The following ERICH3 variants were observed in gnomAD, a reference collection of about 807,000 sequenced individuals.
ERICH3 encodes the protein glutamate rich 3.
ERICH3 carries 126 observed loss-of-function variants against 131.1 expected under a neutral mutation model. The observed-to-expected ratio is 0.96, with a 90% CI of 0.83 to 1.11. ERICH3 has a LOEUF of 1.11. Ranked by LOEUF, ERICH3 falls within the 50% of genes most tolerant of loss-of-function variation. The probability of loss-of-function intolerance (pLI) is 0.00; values close to 1 mark genes in which losing one functional copy is unlikely to be tolerated. For missense variants in ERICH3, 2,050 were observed against 1,810.7 expected (o/e 1.13, Z -2.40); for synonymous variants, 695 against 644.6 (o/e 1.08, Z -1.18).
intron 1 of ERICH3, among the ~76,000 whole-genome samples, chr1:74,670,731 T>G (rs1646734472): frequency 6.6e-6 from 1 of 152,166 alleles, no homozygotes; most frequent in Non-Finnish European, 1.5e-5. Context: ...ATAACAGCGA[T>G]TTTTAGGGAA....
chr1:74,589,757 A>C lies in ERICH3; in HGVS notation c.2050T>G (p.Leu684Val). 6.2e-7 allele frequency: 1 copy of C among 1,614,068 alleles called. No individual in the cohort carries two copies. The highest frequency in any genetic ancestry group is 1.7e-5 in the Admixed American group (1 of 59,996). Residue 684 changes from leucine to valine, a missense_variant, in exon 12 of 15, where the codon TTA becomes GTA. Leu to Val is a conservative substitution (Grantham distance 32). Coordinates refer to ENST00000326665, the MANE Select transcript of ERICH3 (RefSeq NM_001002912.5). ...ACATGTTTCCCGGACTTCTCAGATA[A>C]ACCCTCTGCAATCTCTTGGGTTCCT... is the stretch of plus-strand genomic sequence containing the variant. ...EKGTQEIAEG[L>V]SEKSGKHVSA... is the part of the protein sequence containing the mutation.
At chr1:74,586,234 C>T in intron 12 of ERICH3, 1 of 233,866 alleles carries the variant, frequency 4.3e-6, no homozygotes, top group East Asian at 1.8e-4. Flanking sequence ...GCTTATGTGA[C>T]AAGACATTCA....
intron 1 of ERICH3, among the ~76,000 whole-genome samples, chr1:74,652,815 A>G (rs1411937300): frequency 6.6e-6 from 1 of 152,166 alleles, no homozygotes; most frequent in Non-Finnish European, 1.5e-5. Flanking sequence ...TGGCCAGACC[A>G]GTCTAACACG....
chr1:74,669,956 T>A (rs965669927), intron 1 of ERICH3, among the ~76,000 whole-genome samples: 7 of 152,198 alleles, frequency 4.6e-5, no homozygotes, highest in African/African-American at 1.7e-4. Flanking sequence ...GCTTCAGTAA[T>A]GATAGAAAAG....
intron 1 of ERICH3, among the ~76,000 whole-genome samples, chr1:74,654,314 TAG>T (rs1470614676): frequency 6.6e-6 from 1 of 151,976 alleles, no homozygotes; most frequent in East Asian, 1.9e-4. Context: ...ATCCTACTGT[TAG>T]TACCAACAGT....
intron 8 of ERICH3, among the ~76,000 whole-genome samples, chr1:74,617,994 A>T (rs1649052910): frequency 6.6e-6 from 1 of 152,140 alleles, no homozygotes; most frequent in Admixed American, 6.6e-5. Context: ...CAGGAGTTTG[A>T]GACCAGACTG....
intron 7 of ERICH3, among the ~76,000 whole-genome samples, chr1:74,631,305 A>T (rs964311227): frequency 1.3e-5 from 2 of 152,108 alleles, no homozygotes; most frequent in African/African-American, 4.8e-5. Context: ...TCTATGTATG[A>T]TACAGTAATT....
chr1:74,578,266 TTAA>T (rs537977289), intron 12 of ERICH3: 19 of 171,396 alleles, frequency 1.1e-4, no homozygotes, highest in South Asian at 1.8e-4. Flanking sequence ...ATCTAGGCAC[TTAA>T]TAATAACAGC....
At chr1:74,577,028 G>A (rs1041057008) in intron 12 of ERICH3, 92 bp from the exon 13 acceptor site, 13 of 1,131,488 alleles carry the variant, frequency 1.1e-5, no homozygotes, top group Non-Finnish European at 1.6e-5. Flanking sequence ...GTCAGTTAAG[G>A]CAAATTCACC....
intron 7 of ERICH3, 92 bp from the exon 8 acceptor site, chr1:74,621,006 AT>A: frequency 9.6e-7 from 1 of 1,043,986 alleles, no homozygotes. Flanking sequence ...AAAGAAGGTT[AT>A]TTTTAAGTAC....
At position 74,646,094 on chromosome 1, in the gene ERICH3, A is replaced by AC. The variant is rs1233840901; in HGVS notation, c.243+572_243+573insG. On this transcript the variant is annotated intron_variant, in intron 3 of 14. Coordinates refer to ENST00000326665, the MANE Select transcript of ERICH3 (RefSeq NM_001002912.5). ...TTAAGATACCCTGTCAGATTAAAAAAATATGTTGTTGATGCTTGGTTTGTG... is the reference window on the plus strand; with the variant it reads ...TTAAGATACCCTGTCAGATTAAAAAACATATGTTGTTGATGCTTGGTTTGTG... Among the ~76,000 whole-genome samples the AC allele has an allele frequency of 2.6e-5, 4 of 152,118 alleles. No homozygotes were observed. The East Asian group carries it at 7.7e-4, about 29-fold the overall frequency.
chr1:74,650,351 T>C (rs887411999), intron 1 of ERICH3, among the ~76,000 whole-genome samples: 3 of 152,178 alleles, frequency 2.0e-5, no homozygotes, highest in Admixed American at 6.6e-5. Context: ...TTGAGCACTA[T>C]TTTCTGTTTC....
chr1:74,647,973 C>G (rs899497601), intron 2 of ERICH3, among the ~76,000 whole-genome samples: 3 of 152,112 alleles, frequency 2.0e-5, no homozygotes, highest in Non-Finnish European at 4.4e-5. Context: ...GGCAAAGGTG[C>G]TTAAACTTGA....
At chr1:74,650,295 T>A (rs984338078) in intron 1 of ERICH3, among the ~76,000 whole-genome samples, 6 of 152,192 alleles carry the variant, frequency 3.9e-5, no homozygotes, top group African/African-American at 1.4e-4. Context: ...TTGTTGATTA[T>A]ATGCTATACC....
At position 74,589,768 on chromosome 1, in the gene ERICH3, A is replaced by G; in HGVS notation, c.2039T>C (p.Ile680Thr). Residue 680 changes from isoleucine to threonine, a missense_variant, in exon 12 of 15, where the codon ATT (isoleucine) becomes ACT (threonine). By Grantham distance (89) the Ile-to-Thr change is moderately conservative. Transcript: ENST00000326665. ...GGACTTCTCAGATAAACCCTCTGCAATCTCTTGGGTTCCTTTCTCCGTTCC... is the reference window on the plus strand; with the variant it reads ...GGACTTCTCAGATAAACCCTCTGCAGTCTCTTGGGTTCCTTTCTCCGTTCC... Reference protein sequence around the residue: ...KEGTEKGTQEIAEGLSEKSGK... With the variant: ...KEGTEKGTQETAEGLSEKSGK... 1 of 1,614,016 alleles carries G rather than the reference A, an allele frequency of 6.2e-7. No homozygotes were observed. Among genetic ancestry groups the G allele is most frequent in the Non-Finnish European group, 8.5e-7 (1 of 1,179,946 alleles).
At chr1:74,587,933 C>A (rs1487949820) in intron 12 of ERICH3, among the ~76,000 whole-genome samples, 1 of 152,106 alleles carries the variant, frequency 6.6e-6, no homozygotes, top group South Asian at 2.1e-4. Context: ...TATTCTAGGG[C>A]AGAGGTTTAT....
chr1:74,643,296 A>G (rs570641934), intron 3 of ERICH3, among the ~76,000 whole-genome samples, 198 bp from the exon 4 acceptor site: 8 of 152,146 alleles, frequency 5.3e-5, no homozygotes, highest in Non-Finnish European at 1.2e-4. Flanking sequence ...TTGAACATAT[A>G]TTAAGCAGTT....
chr1:74,619,247 A>G (rs699853), intron 8 of ERICH3, among the ~76,000 whole-genome samples: 103,650 of 152,084 alleles, frequency 0.68, 36,309 homozygotes, highest in African/African-American at 0.85. Context: ...AGTGTACATC[A>G]TCTACCAGAG....
intron 7 of ERICH3, chr1:74,624,290 A>T (rs1427205125): frequency 2.0e-5 from 3 of 152,170 alleles, no homozygotes; most frequent in African/African-American, 7.2e-5. Context: ...GATTGATACA[A>T]AACCAGCCTG....
Sources: gnomAD v4.1 joint callset for allele counts (sites outside exome capture counted in the v4.1 genomes callset) on GRCh38, gnomAD v4.1.1 for gene constraint, MANE v1.5 for transcripts, NCBI Gene and HGNC (gene_info 2026-07-23, HGNC 2026-07-21) for gene names.